Variants in FAM53B observed in about 807,000 individuals in gnomAD.
FAM53B encodes the protein protein FAM53B.
FAM53B carries 12 observed loss-of-function variants against 32.7 expected under a neutral mutation model. That is an observed-to-expected ratio of 0.37 (90% CI 0.24 to 0.59). The LOEUF is 0.59. FAM53B is among the 20% of genes least tolerant of loss of function. The probability of loss-of-function intolerance (pLI) is 0.72; values close to 1 mark genes in which losing one functional copy is unlikely to be tolerated. For synonymous variants in FAM53B, 234 were observed against 228.7 expected (o/e 1.02, Z -0.21); for missense variants, 477 against 577.7 (o/e 0.83, Z 1.79).
intron 4 of FAM53B, among the ~76,000 whole-genome samples, chr10:124,660,649 C>T (rs1262943446): frequency 3.3e-5 from 5 of 152,208 alleles, no homozygotes; most frequent in Admixed American, 6.5e-5. Flanking sequence ...TGGGCCCTAT[C>T]GAGGGCCAGC....
chr10:124,717,721 T>C lies in FAM53B; in HGVS notation c.-174-10834A>G, dbSNP rs140575749. Reference sequence around the variant, plus strand: ...TTGCATTTTCCAAGCTCAATCCTTATGCATACAGGGGCATCTTGGTGTCTT... The same window carrying C: ...TTGCATTTTCCAAGCTCAATCCTTACGCATACAGGGGCATCTTGGTGTCTT... On this transcript the variant is annotated intron_variant, in intron 1 of 4. Coordinates refer to ENST00000337318, the MANE Select transcript of FAM53B (RefSeq NM_014661.4). 9.3e-4 allele frequency among the ~76,000 whole-genome samples: 142 copies of C among 152,304 alleles called. No individual in the cohort carries two copies. The South Asian group carries it at 0.01, about 11-fold the overall frequency.
chr10:124,642,566 C>T (rs1199337686), intron 4 of FAM53B, among the ~76,000 whole-genome samples: 4 of 152,228 alleles, frequency 2.6e-5, no homozygotes, highest in African/African-American at 9.6e-5. Flanking sequence ...GCCACAGCAG[C>T]CAGAATGGTT....
At chr10:124,637,448 GCAC>G (rs1332226972) in intron 4 of FAM53B, among the ~76,000 whole-genome samples, 1 of 152,168 alleles carries the variant, frequency 6.6e-6, no homozygotes, top group African/African-American at 2.4e-5. Flanking sequence ...CAAAGCCACT[GCAC>G]CGAGACTAGC....
chr10:124,627,952 GCTGAAATACAGAC>G (rs2134036424), intron 4 of FAM53B, among the ~76,000 whole-genome samples: 1 of 152,322 alleles, frequency 6.6e-6, no homozygotes, highest in South Asian at 2.1e-4. Flanking sequence ...CTAGGTACAA[GCTGAAATACAGAC>G]CTGCCTCAGG....
chr10:124,657,045 T>C (rs1949593573), intron 4 of FAM53B, among the ~76,000 whole-genome samples: 2 of 142,340 alleles, frequency 1.4e-5, no homozygotes, highest in South Asian at 4.6e-4. Context: ...TAAATATATA[T>C]ATATATGTAT....
In FAM53B at chr10:124,659,062, C is replaced by T. The variant is rs560209205; in HGVS notation, c.906+22545G>A. Among the ~76,000 whole-genome samples the T allele has an allele frequency of 5.9e-5, 9 of 152,316 alleles. No individual in the cohort carries two copies. In the South Asian group the frequency reaches 8.3e-4, roughly 14 times the overall value. Reference sequence around the variant, plus strand: ...AGCTGTGTCCCAGATACTGGGATGGCGATGGTGGGGATGGGCAGGTTTGGT... The same window carrying T: ...AGCTGTGTCCCAGATACTGGGATGGTGATGGTGGGGATGGGCAGGTTTGGT... On this transcript the variant is annotated intron_variant, in intron 4 of 4. Coordinates refer to ENST00000337318, the MANE Select transcript of FAM53B (RefSeq NM_014661.4).
At chr10:124,623,799 T>A (rs1430590472) in intron 4 of FAM53B, 195 bp from the exon 5 acceptor site, 2 of 583,782 alleles carry the variant, frequency 3.4e-6, no homozygotes, top group Non-Finnish European at 5.9e-6. Flanking sequence ...GAGCGCTCTG[T>A]GCTCATAAAG....
chr10:124,711,023 C>A (rs754166449), intron 1 of FAM53B, among the ~76,000 whole-genome samples: 1 of 152,178 alleles, frequency 6.6e-6, no homozygotes, highest in African/African-American at 2.4e-5. Flanking sequence ...TTTGTAACAG[C>A]CCTTTATTCA....
intron 3 of FAM53B, among the ~76,000 whole-genome samples, chr10:124,685,579 A>G (rs1949797601): frequency 6.6e-6 from 1 of 152,250 alleles, no homozygotes; most frequent in African/African-American, 2.4e-5. Flanking sequence ...AGCCTGAGAC[A>G]TACTACAGAC....
In FAM53B at chr10:124,623,471, C is replaced by T; in HGVS notation, c.1040G>A (p.Gly347Asp). Residue 347 changes from glycine (G) to aspartate (D), a missense_variant, in exon 5 of 5, where the codon GGC (glycine) becomes GAC (aspartate). Physicochemically the swap from Gly to Asp is moderately conservative, Grantham distance 94 (BLOSUM62 -1). This residue lies in a region of FAM53B where 165 missense variants were observed against 157.5 expected (regional missense o/e 1.05). Coordinates refer to ENST00000337318, the MANE Select transcript of FAM53B (RefSeq NM_014661.4). Reference sequence around the variant, plus strand: ...GACCGGGGTCCCAGCGGGGGTCCTGCCCCCTGGGCCGGAGGCTGAGAGCAG... The same window carrying T: ...GACCGGGGTCCCAGCGGGGGTCCTGTCCCCTGGGCCGGAGGCTGAGAGCAG... ...TALLSASGPG[G>D]RTPAGTPVPE... 1 of 1,585,408 alleles carries T rather than the reference C, an allele frequency of 6.3e-7. No homozygotes were observed. The highest frequency in any genetic ancestry group is 8.6e-7 in the Non-Finnish European group (1 of 1,166,986).
In FAM53B at chr10:124,623,195, G is replaced by A; in HGVS notation, c.*47C>T. On this transcript the variant is annotated 3_prime_UTR_variant, in exon 5 of 5. Transcript: ENST00000337318. ...GGGCCCACCTAGTGCCCAGAGTGGG[G>A]GCTGTCGATGCCAGCACACCCCAGC... is the stretch of plus-strand genomic sequence containing the variant. The A allele has an allele frequency of 5.9e-6, 9 of 1,526,272 alleles. No homozygotes were observed. Among genetic ancestry groups the A allele is most frequent in the Non-Finnish European group, 7.0e-6 (8 of 1,136,304 alleles). 94.5% of individuals were successfully genotyped at this position (1,526,272 alleles called of 1,614,324 possible). A position where few individuals can be genotyped will look rare whatever the true frequency, so the allele number is the denominator to read the frequency against.
Position 124,621,799 on chromosome 10 carries a change from CGT to C in FAM53B, c.*1441_*1442del, listed in dbSNP as rs758480699. ...TGACTACAAAAGTGCTTTGAACGCG[CGT>C]GTCAGCCAACACAAGGGAGCGCACC... is the stretch of plus-strand genomic sequence containing the variant. On this transcript the variant is annotated 3_prime_UTR_variant, in exon 5 of 5. Transcript: ENST00000337318. The C allele has an allele frequency of 3.3e-5, 5 of 152,268 alleles. No individual in the cohort carries two copies. The highest frequency in any genetic ancestry group is 7.3e-5 in the Non-Finnish European group (5 of 68,050). 9.4% of individuals were successfully genotyped at this position (152,268 alleles called of 1,614,324 possible).
At chr10:124,714,106 C>T (rs534682690) in intron 1 of FAM53B, 25 of 152,124 alleles carry the variant, frequency 1.6e-4, no homozygotes, top group African/African-American at 5.8e-4. Context: ...AGAAGGGTTC[C>T]GAGGGGAGCC....
chr10:124,651,860 C>T lies in FAM53B; in HGVS notation c.907-28256G>A, dbSNP rs1481961298. 2.0e-5 allele frequency among the ~76,000 whole-genome samples: 3 copies of T among 152,196 alleles called. No individual in the cohort carries two copies. The highest frequency in any genetic ancestry group is 4.4e-5 in the Non-Finnish European group (3 of 68,036). On this transcript the variant is annotated intron_variant, in intron 4 of 4. Coordinates refer to ENST00000337318, the MANE Select transcript of FAM53B (RefSeq NM_014661.4). This position sits in a 1 kb window ranked among gnomAD's most constrained non-coding sequence, Gnocchi z 5.2. ...GCCAGCCCCAGCGTCAGGACAACTG[C>T]GACTGAGGGCGGTTCTCAACCCAGA...
chr10:124,716,196 C>T (rs893168744), intron 1 of FAM53B, among the ~76,000 whole-genome samples: 8 of 152,204 alleles, frequency 5.3e-5, no homozygotes, highest in Admixed American at 5.2e-4. Flanking sequence ...GGGGCTAAAA[C>T]ATATTCCCTG....
intron 1 of FAM53B, among the ~76,000 whole-genome samples, chr10:124,725,639 G>A (rs886667024): frequency 1.3e-5 from 2 of 152,178 alleles, no homozygotes; most frequent in Admixed American, 6.5e-5. Context: ...ACTCAAAATC[G>A]CCAAGGCTGC....
intron 4 of FAM53B, among the ~76,000 whole-genome samples, chr10:124,668,926 C>A (rs531613989): frequency 6.6e-6 from 1 of 152,364 alleles, no homozygotes; most frequent in South Asian, 2.1e-4. Context: ...GCCTGATGTG[C>A]CAAAGGCGCC....
At chr10:124,654,079 GCCT>G (rs1949571503) in intron 4 of FAM53B, among the ~76,000 whole-genome samples, 1 of 152,214 alleles carries the variant, frequency 6.6e-6, no homozygotes, top group Non-Finnish European at 1.5e-5. Flanking sequence ...CCAGCCACAT[GCCT>G]CCTTATTTGG....
intron 4 of FAM53B, among the ~76,000 whole-genome samples, chr10:124,661,852 T>C (rs1215396892): frequency 6.6e-6 from 1 of 152,232 alleles, no homozygotes; most frequent in Non-Finnish European, 1.5e-5. Context: ...TTAGACTGTC[T>C]TACATGGCTC....
Sources: allele counts gnomAD v4.1 joint callset (sites outside exome capture counted in the v4.1 genomes callset), GRCh38; gene constraint gnomAD v4.1.1; regional missense constraint gnomAD v4.1.1; non-coding constraint Gnocchi (gnomAD v3.1); transcripts MANE v1.5; gene names NCBI Gene and HGNC (gene_info 2026-07-23, HGNC 2026-07-21).